The following DST variants were observed in gnomAD, a reference collection of about 807,000 sequenced individuals.
DST encodes dystonin, also known as bullous pemphigoid antigen.
In DST, 253 loss-of-function variants were observed where a neutral mutation model predicts 875.2. That is an observed-to-expected ratio of 0.29 (90% CI 0.26 to 0.32). The LOEUF (loss-of-function observed/expected upper bound fraction) is 0.32. DST is among the 10% of genes least tolerant of loss of function. DST has a pLI of 1.00. For synonymous variants in DST, 3,124 were observed against 3,197.1 expected, an observed-to-expected ratio of 0.98 and a Z score of 0.77; for missense variants, 8,287 against 9,111.6, an observed-to-expected ratio of 0.91 and a Z score of 3.68.
chr6:56,569,348 C>G (rs1262824025), intron 54 of DST, among the ~76,000 whole-genome samples: 1 of 136,516 alleles, frequency 7.3e-6, no homozygotes, highest in African/African-American at 2.8e-5. Flanking sequence ...AACAAAAACA[C>G]ACACACACAT....
At chr6:56,586,643 T>C (rs1013340581) in intron 49 of DST, among the ~76,000 whole-genome samples, 7 of 152,114 alleles carry the variant, frequency 4.6e-5, no homozygotes, top group Admixed American at 2.6e-4. Flanking sequence ...CCGAGCAGCC[T>C]AACTGGGAGG....
rs1185198043 is a variant in DST at position 56,461,830 on chromosome 6, T to C, written c.23070+1216A>G. 4 of 152,354 alleles carry C rather than the reference T, an allele frequency of 2.6e-5. No homozygotes were observed. In the East Asian group the frequency reaches 5.8e-4, roughly 22 times the overall value. The allele number at this position is 152,354 out of a possible 1,614,324, so 9.4% of individuals were successfully genotyped here. ...AATTGACAGACATCTCTAGAGGTAA[T>C]ATATAATACTAACATCACCCAGTTG... On this transcript the variant is annotated intron_variant, in intron 102 of 103. Coordinates refer to ENST00000680361, the MANE Select transcript of DST (RefSeq NM_001374736.1).
At chr6:56,862,789 G>A (rs934649023) in intron 3 of DST, among the ~76,000 whole-genome samples, 1 of 152,150 alleles carries the variant, frequency 6.6e-6, no homozygotes, top group African/African-American at 2.4e-5. Flanking sequence ...AAAAAAGAAG[G>A]CTGGAGGAAG....
chr6:56,825,501 C>CAA (rs1484332927), intron 4 of DST, among the ~76,000 whole-genome samples: 7 of 35,552 alleles, frequency 2.0e-4, no homozygotes, highest in African/African-American at 4.7e-4. Flanking sequence ...TCAATAAATA[C>CAA]TAAAAAAAAA....
chr6:56,592,936 A>G (rs949116757), intron 48 of DST, among the ~76,000 whole-genome samples: 2 of 152,128 alleles, frequency 1.3e-5, no homozygotes, highest in African/African-American at 4.8e-5. Context: ...CAAGCAAAAC[A>G]GTCTTTTATT....
chr6:56,600,173 A>G lies in DST; in HGVS notation c.11590T>C (p.Cys3864Arg). The change falls in exon 45 of 104, where the codon TGT (cysteine) becomes CGT (arginine). Residue 3864 changes from cysteine (C) to arginine (R), a missense_variant. Transcript: ENST00000680361. ...TTTTCAGTTTGGGTAAGAAGATCAC[A>G]TATCCCTTGGAGTTTCTCTTTATAC... is the stretch of plus-strand genomic sequence containing the variant. ...QEYKEKLQGICDLLTQTENRL... is the reference protein window; with the variant it reads ...QEYKEKLQGIRDLLTQTENRL... 1 of 1,613,044 alleles carries G rather than the reference A, an allele frequency of 6.2e-7. No homozygotes were observed. Among genetic ancestry groups the G allele is most frequent in the Non-Finnish European group, 8.5e-7 (1 of 1,179,214 alleles).
chr6:56,528,968 T>A lies in DST; in HGVS notation c.17596-43A>T, dbSNP rs765754161. 2.4e-6 allele frequency: 3 copies of A among 1,229,032 alleles called. No homozygotes were observed. In the African/African-American group the frequency reaches 4.5e-5, roughly 18 times the overall value. 76.1% of individuals were successfully genotyped at this position (1,229,032 alleles called of 1,614,324 possible). On this transcript the variant is annotated intron_variant, in intron 66 of 103. Coordinates refer to ENST00000680361, the MANE Select transcript of DST (RefSeq NM_001374736.1). Reference sequence around the variant, plus strand: ...ATTTTTATGTGGGGGGAAAAACATTTAAGTTAGCATTAACATTAGTTAATC... The same window carrying A: ...ATTTTTATGTGGGGGGAAAAACATTAAAGTTAGCATTAACATTAGTTAATC...
In DST at chr6:56,517,481, T is replaced by C. The variant is rs1483719492; in HGVS notation, c.18249+20A>G. 3 of 1,609,108 alleles carry C rather than the reference T, an allele frequency of 1.9e-6. No individual in the cohort carries two copies. The highest frequency in any genetic ancestry group is 1.1e-5 in the South Asian group (1 of 90,278). ...CACCAGCAAATAATTCATATGGCAA[T>C]TGGAAATGTATTTCTTCACCTTTTG... On this transcript the variant is annotated intron_variant, in intron 70 of 103. Transcript: ENST00000680361.
intron 36 of DST, chr6:56,618,075 C>T (rs887387457): frequency 6.2e-7 from 1 of 1,614,136 alleles, no homozygotes; most frequent in Non-Finnish European, 8.5e-7. Flanking sequence ...AGGGCTTGGT[C>T]TCTTATCTTC....
chr6:56,720,817 T>C (rs1336137267), intron 5 of DST, among the ~76,000 whole-genome samples: 7 of 152,154 alleles, frequency 4.6e-5, no homozygotes, highest in Admixed American at 4.6e-4. Flanking sequence ...CCCTTTTCTA[T>C]TGGACAAAAC....
chr6:56,783,149 T>C (rs1157947380), intron 4 of DST, among the ~76,000 whole-genome samples: 1 of 152,136 alleles, frequency 6.6e-6, no homozygotes, highest in Non-Finnish European at 1.5e-5. Context: ...TCCAACTATG[T>C]GGTCAGTTTT....
chr6:56,778,924 G>A (rs544950145), intron 4 of DST, among the ~76,000 whole-genome samples: 2 of 151,932 alleles, frequency 1.3e-5, no homozygotes, highest in South Asian at 2.1e-4. Flanking sequence ...GGGTCAAATG[G>A]TATTTCTAGT....
chr6:56,632,789 A>G, intron 28 of DST, 65 bp downstream of exon 28: 3 of 1,373,116 alleles, frequency 2.2e-6, no homozygotes, highest in Middle Eastern at 1.9e-4. Context: ...ATTCCCATTG[A>G]GAGCAAAAAA....
intron 36 of DST, among the ~76,000 whole-genome samples, chr6:56,622,638 T>G (rs2098701515): frequency 6.6e-6 from 1 of 151,342 alleles, no homozygotes; most frequent in South Asian, 2.1e-4. Flanking sequence ...TGAGAAAAAT[T>G]ACTAGAAATA....
intron 2 of DST, among the ~76,000 whole-genome samples, chr6:56,944,911 T>G (rs892397505): frequency 3.3e-5 from 5 of 152,226 alleles, no homozygotes; most frequent in Admixed American, 3.3e-4. Context: ...TCAGATTTTC[T>G]GATAAATAAC....
At chr6:56,567,154 A>G (rs1310482076) in intron 55 of DST, among the ~76,000 whole-genome samples, 1 of 152,252 alleles carries the variant, frequency 6.6e-6, no homozygotes, top group African/African-American at 2.4e-5. Flanking sequence ...CACTTTTATT[A>G]CATAACAATC....
chr6:56,945,416 A>G (rs1366372886), intron 2 of DST, among the ~76,000 whole-genome samples: 1 of 152,184 alleles, frequency 6.6e-6, no homozygotes, highest in Non-Finnish European at 1.5e-5. Context: ...CCTAGTTTGA[A>G]AAACTGCAGG....
rs2098462253 is a variant in DST at position 56,603,280 on chromosome 6, C to T, written c.11082G>A (p.Lys3694=). Residue 3694 remains lysine (K), a synonymous_variant, in exon 42 of 104, where the codon AAG becomes AAA. Transcript: ENST00000680361. ...EELSISHQSL[K]TAFSSLSNVS... Reference sequence around the variant, plus strand: ...CGTTGCTGAGGGAAGAGAAGGCGGTCTTCAAACTCTGGTGGCTAATACTCA... The same window carrying T: ...CGTTGCTGAGGGAAGAGAAGGCGGTTTTCAAACTCTGGTGGCTAATACTCA... 2 of 1,610,274 alleles carry T rather than the reference C, an allele frequency of 1.2e-6. No individual in the cohort carries two copies. Among genetic ancestry groups the T allele is most frequent in the Non-Finnish European group, 1.7e-6 (2 of 1,178,598 alleles).
chr6:56,873,195 G>T (rs1190250508), intron 3 of DST, among the ~76,000 whole-genome samples: 1 of 152,028 alleles, frequency 6.6e-6, no homozygotes, highest in Non-Finnish European at 1.5e-5. Flanking sequence ...CAGATTATTT[G>T]TCTTTTTGCT....
Sources: gnomAD v4.1 joint callset for allele counts (sites outside exome capture counted in the v4.1 genomes callset) on GRCh38, gnomAD v4.1.1 for gene constraint, MANE v1.5 for transcripts, NCBI Gene and HGNC (gene_info 2026-07-23, HGNC 2026-07-21) for gene names.